The following EIF4EBP1 variants were observed in gnomAD, a reference collection of about 807,000 sequenced individuals.
EIF4EBP1 encodes the protein eukaryotic translation initiation factor 4E-binding protein 1.
EIF4EBP1 carries 5 observed loss-of-function variants against 9.2 expected under a neutral mutation model. The observed-to-expected ratio is 0.54, with a 90% CI of 0.28 to 1.14. The LOEUF is 1.14. Ranked by LOEUF, EIF4EBP1 falls within the 50% of genes most tolerant of loss-of-function variation. The probability of loss-of-function intolerance (pLI) is 0.09; values close to 1 mark genes in which losing one functional copy is unlikely to be tolerated. For synonymous variants in EIF4EBP1, 62 were observed against 67.0 expected (o/e 0.93, Z 0.36); for missense variants, 139 against 169.6 (o/e 0.82, Z 1.00).
chr8:38,048,874 A>G (rs1000005389), intron 1 of EIF4EBP1, among the ~76,000 whole-genome samples: 4 of 152,138 alleles, frequency 2.6e-5, no homozygotes, highest in African/African-American at 9.7e-5. Flanking sequence ...CATGCCTGTA[A>G]TCCCTGCACT....
At chr8:38,032,972 A>G (rs1405114180) in intron 1 of EIF4EBP1, among the ~76,000 whole-genome samples, 1 of 144,842 alleles carries the variant, frequency 6.9e-6, no homozygotes, top group Non-Finnish European at 1.5e-5. Flanking sequence ...CAGGTGCTTG[A>G]GGATAACTGG....
chr8:38,032,097 G>GT (rs1809233007), intron 1 of EIF4EBP1, among the ~76,000 whole-genome samples: 1 of 152,220 alleles, frequency 6.6e-6, no homozygotes, highest in South Asian at 2.1e-4. Context: ...AAATGAGGGT[G>GT]TAAGTGTCTG....
At chr8:38,034,910 G>A (rs531411524) in intron 1 of EIF4EBP1, among the ~76,000 whole-genome samples, 17 of 152,144 alleles carry the variant, frequency 1.1e-4, no homozygotes, top group Non-Finnish European at 2.2e-4. Flanking sequence ...TTAATGCAGT[G>A]AGGGAGAAAC....
chr8:38,059,380 G>A (rs1047120495), intron 2 of EIF4EBP1, among the ~76,000 whole-genome samples: 1 of 152,120 alleles, frequency 6.6e-6, no homozygotes, highest in East Asian at 1.9e-4. Context: ...ATGACGAAAA[G>A]CCCCCTGAGG....
intron 1 of EIF4EBP1, among the ~76,000 whole-genome samples, chr8:38,044,897 G>C (rs1331347265): frequency 6.6e-6 from 1 of 152,166 alleles, no homozygotes; most frequent in East Asian, 1.9e-4. Context: ...TAGCACGTCA[G>C]GCTGTGAGCA....
intron 2 of EIF4EBP1, among the ~76,000 whole-genome samples, chr8:38,059,063 A>C (rs1809634519): frequency 6.6e-6 from 1 of 152,148 alleles, no homozygotes; most frequent in Admixed American, 6.5e-5. Flanking sequence ...CAGCCTGGCC[A>C]AGAGAGTGAG....
rs936532992 is a variant in EIF4EBP1 at position 38,059,989 on chromosome 8, G to A, written c.*54G>A. 3.0e-5 allele frequency: 46 copies of A among 1,558,070 alleles called. No individual in the cohort carries two copies. The highest frequency in any genetic ancestry group is 1.7e-4 in the Middle Eastern group (1 of 5,974). On this transcript the variant is annotated 3_prime_UTR_variant, in exon 3 of 3. Transcript: ENST00000338825. Reference sequence around the variant, plus strand: ...AAGGGGCCCCTCAGGGCCTTCCTGGGAGGAGTCCCACCAGCCAGGCCTTAT... The same window carrying A: ...AAGGGGCCCCTCAGGGCCTTCCTGGAAGGAGTCCCACCAGCCAGGCCTTAT...
intron 1 of EIF4EBP1, 110 bp from the exon 2 acceptor site, chr8:38,056,971 G>A: frequency 8.1e-7 from 1 of 1,232,312 alleles, no homozygotes; most frequent in Non-Finnish European, 1.2e-6. Flanking sequence ...CCTCCTCTGG[G>A]TTTTTCAGGA....
chr8:38,053,890 G>T (rs1411693794), intron 1 of EIF4EBP1, among the ~76,000 whole-genome samples: 1 of 152,178 alleles, frequency 6.6e-6, no homozygotes, highest in Non-Finnish European at 1.5e-5. Context: ...GCTTGCCAGG[G>T]CCTAGAGGGA....
intron 1 of EIF4EBP1, among the ~76,000 whole-genome samples, chr8:38,055,023 A>G (rs1809577892): frequency 1.3e-5 from 2 of 152,178 alleles, no homozygotes; most frequent in Non-Finnish European, 1.5e-5. Flanking sequence ...GGCAATGAGC[A>G]GGGCTGTCAG....
At chr8:38,031,770 A>G (rs1385352778) in intron 1 of EIF4EBP1, among the ~76,000 whole-genome samples, 2 of 152,146 alleles carry the variant, frequency 1.3e-5, no homozygotes, top group African/African-American at 4.8e-5. Context: ...CACTGTTAGA[A>G]CGGTTAGGGA....
At chr8:38,036,070 G>A (rs533117799) in intron 1 of EIF4EBP1, among the ~76,000 whole-genome samples, 6 of 150,488 alleles carry the variant, frequency 4.0e-5, no homozygotes, top group South Asian at 2.1e-4. Flanking sequence ...CAGTGGCACC[G>A]TCTCAGCTCA....
In EIF4EBP1 at chr8:38,057,163, C is replaced by T. The variant is rs1469117756; in HGVS notation, c.228C>T (p.Pro76=). 6.2e-7 allele frequency: 1 copy of T among 1,614,250 alleles called. No individual in the cohort carries two copies. Among genetic ancestry groups the T allele is most frequent in the Non-Finnish European group, 8.5e-7 (1 of 1,180,044 alleles). The change falls in exon 2 of 3, where the codon CCC becomes CCT. Residue 76 remains proline, a synonymous_variant. Coordinates refer to ENST00000338825, the MANE Select transcript of EIF4EBP1 (RefSeq NM_004095.4). ...CCAAAACACCCCCAAGGGATCTGCC[C>T]ACCATTCCGGGGGTCACCAGCCCTT... ...PVTKTPPRDL[P]TIPGVTSPSS... is the part of the protein sequence containing the mutation.
At chr8:38,052,293 C>A (rs950746984) in intron 1 of EIF4EBP1, among the ~76,000 whole-genome samples, 2 of 151,734 alleles carry the variant, frequency 1.3e-5, no homozygotes, top group African/African-American at 4.9e-5. Flanking sequence ...CAGGGTCTCG[C>A]TCTGTCTCCC....
chr8:38,058,113 T>C (rs1460016742), intron 2 of EIF4EBP1, among the ~76,000 whole-genome samples: 2 of 152,198 alleles, frequency 1.3e-5, no homozygotes, highest in African/African-American at 4.8e-5. Context: ...CATAATTACC[T>C]TGGGAACCTC....
intron 1 of EIF4EBP1, among the ~76,000 whole-genome samples, chr8:38,045,539 CAAA>C (rs1159272151): frequency 1.0e-5 from 1 of 97,212 alleles, no homozygotes; most frequent in African/African-American, 3.9e-5. Flanking sequence ...ACCTTGTCTA[CAAA>C]AAAAAAAAAA....
intron 1 of EIF4EBP1, among the ~76,000 whole-genome samples, chr8:38,034,780 G>A (rs1424959291): frequency 6.6e-6 from 1 of 152,224 alleles, no homozygotes; most frequent in Non-Finnish European, 1.5e-5. Context: ...CATGAAACAG[G>A]CAGTGCTGGG....
At position 38,042,297 on chromosome 8, in the gene EIF4EBP1, G is replaced by C. The variant is rs191983303; in HGVS notation, c.145+11579G>C. Among the ~76,000 whole-genome samples the C allele has an allele frequency of 2.6e-4, 40 of 152,238 alleles. No homozygotes were observed. The East Asian group carries it at 6.9e-3, about 26-fold the overall frequency. The stretch of plus-strand genomic sequence containing the variant: ...AATGAGAATAGCAGAGGGTACAGTC[G>C]GGCTCAGTACTCCCTTTGGTTTGGA... On this transcript the variant is annotated intron_variant, in intron 1 of 2. Transcript: ENST00000338825.
Position 38,055,286 on chromosome 8 carries a change from A to G in EIF4EBP1, c.146-1795A>G, listed in dbSNP as rs539420755. On this transcript the variant is annotated intron_variant, in intron 1 of 2. Coordinates refer to ENST00000338825, the MANE Select transcript of EIF4EBP1 (RefSeq NM_004095.4). ...TTACAGAGTCCAGTGCTGAGCATCA[A>G]GAAATGAATCTCAATATGTACAACT... Among the ~76,000 whole-genome samples the G allele has an allele frequency of 2.0e-5, 3 of 152,340 alleles. No homozygotes were observed. In the South Asian group the frequency reaches 6.2e-4, roughly 32 times the overall value.
Sources: gnomAD v4.1 joint callset for allele counts (sites outside exome capture counted in the v4.1 genomes callset) on GRCh38, gnomAD v4.1.1 for gene constraint, MANE v1.5 for transcripts, NCBI Gene and HGNC (gene_info 2026-07-23, HGNC 2026-07-21) for gene names.